KLC1: variants seen among roughly 807,000 people sequenced by gnomAD.
The protein encoded by KLC1 is kinesin light chain 1, also known as kinesin 2 60/70kDa.
KLC1 carries 30 observed loss-of-function variants against 84.2 expected under a neutral mutation model. The observed-to-expected ratio is 0.36, with a 90% CI of 0.27 to 0.48. The LOEUF (loss-of-function observed/expected upper bound fraction) is 0.48. Ranked by LOEUF, KLC1 falls within the 20% of genes least tolerant of loss-of-function variation. KLC1 has a pLI of 0.99. For missense variants in KLC1, 499 were observed against 805.4 expected, an observed-to-expected ratio of 0.62 and a Z score of 4.60; for synonymous variants, 289 against 293.3, an observed-to-expected ratio of 0.99 and a Z score of 0.15.
At chr14:103,696,092 GCCCCCGCCCCCCGCC>G in intron 15 of KLC1, 2 of 761,556 alleles carry the variant, frequency 2.6e-6, no homozygotes, top group South Asian at 7.2e-5. Context: ...TAATCACTGC[GCCCCCGCCCCCCGCC>G]CCCCCCCACA....
At chr14:103,653,782 T>C (rs1232507054) in intron 1 of KLC1, among the ~76,000 whole-genome samples, 1 of 152,242 alleles carries the variant, frequency 6.6e-6, no homozygotes, top group Non-Finnish European at 1.5e-5. Context: ...CTCACTATCT[T>C]TCTGTTTTTT....
rs902058903 is a variant in KLC1, at chr14:103,697,292, C to T, written c.1849-3363C>T. The T allele has an allele frequency of 1.6e-5, 4 of 243,374 alleles. No individual in the cohort carries two copies. The South Asian group carries it at 4.5e-4, about 28-fold the overall frequency. 15.1% of individuals were successfully genotyped at this position (243,374 alleles called of 1,614,324 possible). ...CATGATGAAGGTTTAAACGGATTGT[C>T]CCACCCTGGAAAACGGCAAACAGAA... On this transcript the variant is annotated intron_variant, in intron 15 of 16. Transcript: ENST00000334553.
chr14:103,666,833 A>G (rs1290470337), intron 5 of KLC1, among the ~76,000 whole-genome samples: 1 of 145,310 alleles, frequency 6.9e-6, no homozygotes, highest in African/African-American at 2.6e-5. Context: ...CTGGCATGCA[A>G]TGGCATCATC....
Position 103,701,246 on chromosome 14 carries a change from C to G in KLC1, c.*47C>G. ...TCCAGGATGGGACTGCCGAGTGTGG[C>G]CCGGAGCTGGCCCGGGACAGCCAGG... On this transcript the variant is annotated 3_prime_UTR_variant, in exon 17 of 17. Coordinates refer to ENST00000334553, the MANE Select transcript of KLC1 (RefSeq NM_001394837.1). 1 of 1,546,092 alleles carries G rather than the reference C, an allele frequency of 6.5e-7. No individual in the cohort carries two copies.
At chr14:103,677,819 C>T (rs1172578082) in intron 12 of KLC1, among the ~76,000 whole-genome samples, 9 of 150,824 alleles carry the variant, frequency 6.0e-5, no homozygotes, top group African/African-American at 1.5e-4. Context: ...ATTAGCTGGG[C>T]GTGGTGGCAC....
intron 12 of KLC1, among the ~76,000 whole-genome samples, chr14:103,678,254 CTCCG>C (rs1420633708): frequency 6.6e-6 from 1 of 152,188 alleles, no homozygotes; most frequent in Non-Finnish European, 1.5e-5. Flanking sequence ...CAGAGCGAGA[CTCCG>C]TCTCAAAAAT....
At chr14:103,656,630 T>A (rs1194804505) in intron 2 of KLC1, among the ~76,000 whole-genome samples, 1 of 152,164 alleles carries the variant, frequency 6.6e-6, no homozygotes, top group Non-Finnish European at 1.5e-5. Flanking sequence ...CAGCCTTGAG[T>A]TGCAGAACTG....
At chr14:103,633,871 T>A (rs12147645) in intron 1 of KLC1, among the ~76,000 whole-genome samples, 40,264 of 151,948 alleles carry the variant, frequency 0.26, 6,330 homozygotes, top group East Asian at 0.35. Context: ...TTATTTTTTT[T>A]TTATTATTAC....
chr14:103,636,315 G>A lies in KLC1; in HGVS notation c.-2+6821G>A, dbSNP rs117171379. ...CAGCTCACTGCAACCTCTGCCTCCC[G>A]AGTTCAAACAATTCTCCTGCTTTAA... is the stretch of plus-strand genomic sequence containing the variant. On this transcript the variant is annotated intron_variant, in intron 1 of 16. Transcript: ENST00000334553. Among the ~76,000 whole-genome samples the A allele has an allele frequency of 8.7e-4, 132 of 152,088 alleles. 3 individuals carry two copies. The East Asian group carries it at 0.02, about 23-fold the overall frequency.
intron 14 of KLC1, among the ~76,000 whole-genome samples, chr14:103,691,688 C>CA (rs546856509): frequency 1.3e-5 from 2 of 151,320 alleles, no homozygotes; most frequent in Non-Finnish European, 2.9e-5. Context: ...AGGCTGGTCT[C>CA]AAACTCCTGA....
Position 103,693,867 on chromosome 14 carries a change from GGCCGAGGTGGC to G in KLC1, c.1848+1445_1848+1455del. 2 of 1,359,744 alleles carry G rather than the reference GGCCGAGGTGGC, an allele frequency of 1.5e-6. No homozygotes were observed. Among genetic ancestry groups the G allele is most frequent in the African/African-American group, 3.0e-5 (2 of 67,714 alleles). The allele number at this position is 1,359,744 out of a possible 1,614,324, so 84.2% of individuals were successfully genotyped here. A position where few individuals can be genotyped will look rare whatever the true frequency, so the allele number is the denominator to read the frequency against. ...CGACCCGGCCAGGCTGGCTCAGGGA[GGCCGAGGTGGC>G]GCTGAGGTGGCTTCAGCACGCTGGG... On this transcript the variant is annotated intron_variant, in intron 15 of 16. Coordinates refer to ENST00000334553, the MANE Select transcript of KLC1 (RefSeq NM_001394837.1). This position sits in a 1 kb window ranked among gnomAD's most constrained non-coding sequence, Gnocchi z 5.1.
chr14:103,683,421 G>A (rs1265416206), intron 13 of KLC1: 2 of 152,166 alleles, frequency 1.3e-5, no homozygotes, highest in East Asian at 1.9e-4. Flanking sequence ...TCACGGTCTT[G>A]CCTCTGAAAA....
intron 1 of KLC1, among the ~76,000 whole-genome samples, chr14:103,631,696 C>T (rs879579037): frequency 6.6e-6 from 1 of 152,136 alleles, no homozygotes; most frequent in Non-Finnish European, 1.5e-5. Context: ...CTCCCAGGTT[C>T]CAGTGATTCT....
chr14:103,653,790 T>A (rs1402479561), intron 1 of KLC1, among the ~76,000 whole-genome samples: 2 of 152,252 alleles, frequency 1.3e-5, no homozygotes, highest in African/African-American at 4.8e-5. Context: ...CTTTCTGTTT[T>A]TTAAACTTAA....
At chr14:103,672,946 A>T in intron 7 of KLC1, 68 bp from the exon 8 acceptor site, 3 of 1,390,378 alleles carry the variant, frequency 2.2e-6, no homozygotes, top group South Asian at 2.4e-5. Flanking sequence ...CTGATGTGAC[A>T]GTAGGGTGGA....
chr14:103,685,806 G>A lies in KLC1; in HGVS notation c.1651-1275G>A. The A allele has an allele frequency of 2.5e-6, 3 of 1,209,060 alleles. No individual in the cohort carries two copies. In the South Asian group the frequency reaches 4.4e-5, roughly 18 times the overall value. The allele number at this position is 1,209,060 out of a possible 1,614,324, so 74.9% of individuals were successfully genotyped here. A position where few individuals can be genotyped will look rare whatever the true frequency, so the allele number is the denominator to read the frequency against. On this transcript the variant is annotated intron_variant, in intron 13 of 16. Coordinates refer to ENST00000334553, the MANE Select transcript of KLC1 (RefSeq NM_001394837.1). The stretch of plus-strand genomic sequence containing the variant: ...TCCTTTCGGTGCTGCTGTCCTTTTT[G>A]GGGGGGTTCCTGATTTCTGTATACA...
intron 1 of KLC1, among the ~76,000 whole-genome samples, chr14:103,630,459 A>C (rs1358045277): frequency 2.0e-5 from 3 of 152,206 alleles, no homozygotes; most frequent in African/African-American, 7.2e-5. Flanking sequence ...AAAAAATTTG[A>C]GATATACTAT....
intron 2 of KLC1, among the ~76,000 whole-genome samples, chr14:103,655,693 C>G (rs1379724529): frequency 6.6e-6 from 1 of 152,058 alleles, no homozygotes; most frequent in Non-Finnish European, 1.5e-5. Flanking sequence ...ACTGCAACCT[C>G]TGTCCCCCGG....
chr14:103,679,568 A>G, intron 13 of KLC1, 23 bp downstream of exon 13: 1 of 1,587,598 alleles, frequency 6.3e-7, no homozygotes, highest in South Asian at 1.1e-5. Flanking sequence ...CACAGCGGGC[A>G]CGTGCTCCGG....
Sources: gnomAD v4.1 joint callset for allele counts (sites outside exome capture counted in the v4.1 genomes callset) on GRCh38, gnomAD v4.1.1 for gene constraint, Gnocchi (gnomAD v3.1) non-coding constraint, MANE v1.5 for transcripts, NCBI Gene and HGNC (gene_info 2026-07-23, HGNC 2026-07-21) for gene names.